Variants in CADPS2 observed in about 807,000 individuals in gnomAD.
CADPS2 encodes calcium dependent secretion activator 2, also known as calcium-dependent secretion activator 2.
Under a neutral mutation model 172.5 loss-of-function variants are expected in CADPS2, and 93 were observed. That is an observed-to-expected ratio of 0.54 (90% CI 0.46 to 0.64). The LOEUF (loss-of-function observed/expected upper bound fraction) is 0.64, where lower values mean the gene tolerates loss of function less well. Among genes scored for constraint, CADPS2 ranks in the 30% least tolerant of loss-of-function variants. CADPS2 has a pLI of 0.00. For missense variants in CADPS2, 1,420 were observed against 1,565.9 expected, an observed-to-expected ratio of 0.91 and a Z score of 1.57; for synonymous variants, 546 against 555.2, an observed-to-expected ratio of 0.98 and a Z score of 0.23.
At chr7:122,405,773 C>T (rs555175611) in intron 20 of CADPS2, among the ~76,000 whole-genome samples, 1 of 152,134 alleles carries the variant, frequency 6.6e-6, no homozygotes, top group African/African-American at 2.4e-5. Flanking sequence ...ATGGTTGAAT[C>T]TAAGGTAGGA....
In CADPS2 at chr7:122,619,700, G is replaced by A. The variant is rs1443506558; in HGVS notation, c.1104+1781C>T. ...ATAATTAAGGGACGAATTGTGTTTT[G>A]TATAAAGCCTTAAAAAACAGAAAAA... is the stretch of plus-strand genomic sequence containing the variant. On this transcript the variant is annotated intron_variant, in intron 5 of 29. Transcript: ENST00000449022. Among the ~76,000 whole-genome samples the A allele has an allele frequency of 3.3e-5, 5 of 152,196 alleles. No individual in the cohort carries two copies. In the East Asian group the frequency reaches 7.7e-4, roughly 24 times the overall value.
At chr7:122,679,264 C>CCGGGGG (rs750714333) in intron 2 of CADPS2, among the ~76,000 whole-genome samples, 1 of 14,732 alleles carries the variant, frequency 6.8e-5, no homozygotes, top group Non-Finnish European at 1.9e-4. Context: ...GAATGCATTC[C>CCGGGGG]TGGGGGGGGG....
chr7:122,676,713 G>A, intron 2 of CADPS2: 6 of 1,580,056 alleles, frequency 3.8e-6, no homozygotes, highest in Non-Finnish European at 5.2e-6. Context: ...TGCTGTACAG[G>A]AAGGACATGG....
intron 5 of CADPS2, among the ~76,000 whole-genome samples, chr7:122,619,392 TGTCTGA>T (rs1478831261): frequency 1.3e-5 from 2 of 151,600 alleles, no homozygotes; most frequent in African/African-American, 2.4e-5. Flanking sequence ...TTGGGTGGAT[TGTCTGA>T]GCTCAGGAGT....
intron 9 of CADPS2, among the ~76,000 whole-genome samples, chr7:122,494,929 T>C (rs999660339): frequency 2.0e-5 from 3 of 151,930 alleles, no homozygotes; most frequent in African/African-American, 2.4e-5. Flanking sequence ...TCAGTTTCCT[T>C]GTGTTAAAAG....
At chr7:122,618,065 T>G (rs937595723) in intron 5 of CADPS2, among the ~76,000 whole-genome samples, 1 of 151,618 alleles carries the variant, frequency 6.6e-6, no homozygotes, top group Non-Finnish European at 1.5e-5. Context: ...AAATCAACTA[T>G]ATTCATGCCA....
intron 28 of CADPS2, among the ~76,000 whole-genome samples, chr7:122,332,931 T>C (rs2150835004): frequency 6.6e-6 from 1 of 152,356 alleles, no homozygotes; most frequent in South Asian, 2.1e-4. Flanking sequence ...CTGTGGCTCC[T>C]TTCCTAGCAC....
At chr7:122,464,636 C>T (rs903207021) in intron 14 of CADPS2, among the ~76,000 whole-genome samples, 2 of 152,158 alleles carry the variant, frequency 1.3e-5, no homozygotes, top group Non-Finnish European at 2.9e-5. Context: ...GGTATTTCAT[C>T]TCTTTACAAA....
chr7:122,361,098 T>C (rs1173146469), intron 25 of CADPS2, 85 bp from the exon 26 acceptor site: 1 of 1,124,092 alleles, frequency 8.9e-7, no homozygotes, highest in East Asian at 2.5e-5. Context: ...ATCAATTTCT[T>C]CCATCGCACA....
At chr7:122,531,940 A>C (rs1017535267) in intron 8 of CADPS2, among the ~76,000 whole-genome samples, 1 of 151,916 alleles carries the variant, frequency 6.6e-6, no homozygotes, top group Admixed American at 6.6e-5. Context: ...TTGAGGCAGG[A>C]GAATTGCTTG....
At chr7:122,470,990 CA>C (rs1174857898) in intron 14 of CADPS2, among the ~76,000 whole-genome samples, 1 of 152,140 alleles carries the variant, frequency 6.6e-6, no homozygotes, top group East Asian at 1.9e-4. Flanking sequence ...AGAGGAAAAG[CA>C]ATGATCATTA....
At chr7:122,591,348 A>C (rs2070771822) in intron 6 of CADPS2, among the ~76,000 whole-genome samples, 1 of 152,152 alleles carries the variant, frequency 6.6e-6, no homozygotes, top group African/African-American at 2.4e-5. Flanking sequence ...GACACAAACA[A>C]ATGGAAGAAC....
intron 27 of CADPS2, among the ~76,000 whole-genome samples, chr7:122,352,110 GT>G (rs1240459867): frequency 1.3e-5 from 2 of 152,124 alleles, no homozygotes; most frequent in Non-Finnish European, 2.9e-5. Flanking sequence ...CTGATCTACG[GT>G]TAGATCACTA....
intron 1 of CADPS2, among the ~76,000 whole-genome samples, chr7:122,759,427 T>C (rs2093298604): frequency 6.6e-6 from 1 of 152,200 alleles, no homozygotes; most frequent in Non-Finnish European, 1.5e-5. Context: ...AAGTTATGTT[T>C]CTTTTCTAGT....
At chr7:122,709,842 A>G (rs939610031) in intron 2 of CADPS2, among the ~76,000 whole-genome samples, 12 of 151,732 alleles carry the variant, frequency 7.9e-5, no homozygotes, top group Admixed American at 2.0e-4. Context: ...TCACTCATAG[A>G]TGGGAATTGA....
chr7:122,511,855 T>C (rs1025545449), intron 9 of CADPS2, among the ~76,000 whole-genome samples: 24 of 152,122 alleles, frequency 1.6e-4, no homozygotes, highest in African/African-American at 5.8e-4. Flanking sequence ...TAAAATTGCT[T>C]AGGAAACACA....
At chr7:122,845,976 A>G (rs909354830) in intron 1 of CADPS2, among the ~76,000 whole-genome samples, 1 of 152,206 alleles carries the variant, frequency 6.6e-6, no homozygotes, top group Non-Finnish European at 1.5e-5. Flanking sequence ...AAATCACATC[A>G]AAGAGGAAAA....
At chr7:122,576,074 C>T (rs2132677092) in intron 7 of CADPS2, among the ~76,000 whole-genome samples, 1 of 152,268 alleles carries the variant, frequency 6.6e-6, no homozygotes, top group South Asian at 2.1e-4. Context: ...CAGCATATTG[C>T]ATTTCGTTGT....
intron 27 of CADPS2, among the ~76,000 whole-genome samples, chr7:122,358,686 C>G (rs1359186731): frequency 6.6e-6 from 1 of 152,082 alleles, no homozygotes; most frequent in Non-Finnish European, 1.5e-5. Context: ...TTCAGAGAGG[C>G]ATACTTGCTG....
Sources: gnomAD v4.1 joint callset for allele counts (sites outside exome capture counted in the v4.1 genomes callset) on GRCh38, gnomAD v4.1.1 for gene constraint, MANE v1.5 for transcripts, NCBI Gene and HGNC (gene_info 2026-07-23, HGNC 2026-07-21) for gene names.